INCA1: variants seen among roughly 807,000 people sequenced by gnomAD.
The protein encoded by INCA1 is inhibitor of CDK, cyclin A1 interacting protein 1, also known as protein INCA1.
INCA1 carries 28 observed loss-of-function variants against 25.7 expected under a neutral mutation model. That is an observed-to-expected ratio of 1.09 (90% CI 0.81 to 1.49). The LOEUF is 1.49. Ranked by LOEUF, INCA1 falls within the 40% of genes most tolerant of loss-of-function variation. The pLI is 0.00. For missense variants in INCA1, 309 were observed against 290.9 expected (o/e 1.06, Z -0.45); for synonymous variants, 111 against 103.6 (o/e 1.07, Z -0.43).
intron 2 of INCA1, among the ~76,000 whole-genome samples, chr17:4,993,175 T>C (rs1338203864): frequency 1.3e-5 from 2 of 151,670 alleles, no homozygotes; most frequent in African/African-American, 4.8e-5. Context: ...CCACCACGCC[T>C]GACCTTGTTT....
chr17:4,990,901 A>G (rs1270201773), intron 2 of INCA1, among the ~76,000 whole-genome samples: 1 of 150,576 alleles, frequency 6.6e-6, no homozygotes, highest in East Asian at 2.0e-4. Flanking sequence ...AAATTGCAAA[A>G]AATCTCATAA....
At chr17:4,989,322 C>T (rs1973655751) in intron 5 of INCA1, 106 bp downstream of exon 5, 2 of 1,053,862 alleles carry the variant, frequency 1.9e-6, no homozygotes, top group Admixed American at 2.3e-5. Context: ...CCCCTCAAAG[C>T]TCCCCTCAAA....
chr17:4,989,833 A>G, intron 4 of INCA1, 57 bp downstream of exon 4: 1 of 1,613,250 alleles, frequency 6.2e-7, no homozygotes, highest in East Asian at 2.2e-5. Context: ...TTGGGACAGG[A>G]CAGCAGTGGG....
At position 4,990,235 on chromosome 17, in the gene INCA1, G is replaced by C. The variant is rs201894690; in HGVS notation, c.75C>G (p.Pro25=). The C allele has an allele frequency of 1.8e-5, 29 of 1,614,088 alleles. No individual in the cohort carries two copies. In the East Asian group the frequency reaches 6.2e-4, roughly 35 times the overall value. ...TGAGGCTCTGGGAAGGCAACCTTGG[G>C]GGTGGAGATCGGCTGACCACCCTGG... Residue 25 remains proline (P), a synonymous_variant, in exon 3 of 7, where the codon CCC becomes CCG. Transcript: ENST00000576820.
At chr17:4,988,909 G>A in exon 6 of INCA1, 4 of 1,614,170 alleles carry the variant, frequency 2.5e-6, no homozygotes, top group Non-Finnish European at 3.4e-6. Flanking sequence ...TGGCTCAGAT[G>A]CAGCCCCAGA....
At chr17:4,988,752 C>A in intron 6 of INCA1, 27 bp downstream of exon 6, 1 of 1,613,568 alleles carries the variant, frequency 6.2e-7, no homozygotes, top group Non-Finnish European at 8.5e-7. Context: ...CACTCCCTCA[C>A]TCCACCCAGT....
chr17:4,992,884 G>GT (rs1047661009), intron 2 of INCA1, among the ~76,000 whole-genome samples: 1 of 151,324 alleles, frequency 6.6e-6, no homozygotes, highest in African/African-American at 2.4e-5. Flanking sequence ...ATAGTGTTTT[G>GT]TTTTTGTTTT....
At chr17:4,989,456 G>A (rs370359538) in exon 5 of INCA1, 104 of 1,613,902 alleles carry the variant, frequency 6.4e-5, no homozygotes, top group Non-Finnish European at 8.3e-5. Flanking sequence ...CGCCTTCTTA[G>A]GTCCTCCAGG....
intron 5 of INCA1, 43 bp from the exon 6 acceptor site, chr17:4,988,987 G>C: frequency 6.4e-7 from 1 of 1,573,990 alleles, no homozygotes; most frequent in Non-Finnish European, 8.6e-7. Context: ...CTGGAGGCCA[G>C]GCTTCCTGTC....
At chr17:4,993,992 G>A (rs538609536) in intron 2 of INCA1, among the ~76,000 whole-genome samples, 14 of 146,934 alleles carry the variant, frequency 9.5e-5, no homozygotes, top group African/African-American at 2.8e-4. Flanking sequence ...GGCTGGTCTC[G>A]AACTCCTGAT....
intron 2 of INCA1, among the ~76,000 whole-genome samples, chr17:4,991,955 T>C (rs1208030309): frequency 6.6e-6 from 1 of 152,170 alleles, no homozygotes; most frequent in East Asian, 1.9e-4. Flanking sequence ...TGCAATGGTC[T>C]CTTCCCCCCG....
intron 2 of INCA1, 40 bp from the exon 3 acceptor site, chr17:4,990,305 C>T: frequency 6.3e-7 from 1 of 1,581,568 alleles, no homozygotes; most frequent in South Asian, 1.2e-5. Context: ...TGGCTCTTCC[C>T]TTACAGCAGT....
intron 2 of INCA1, among the ~76,000 whole-genome samples, chr17:4,992,716 T>A (rs759297286): frequency 7.2e-6 from 1 of 138,106 alleles, no homozygotes; most frequent in Non-Finnish European, 1.6e-5. Context: ...CTCCCTCCCT[T>A]CTTTCTTTTT....
intron 1 of INCA1, among the ~76,000 whole-genome samples, chr17:4,995,005 A>C (rs1472664189): frequency 6.6e-6 from 1 of 152,128 alleles, no homozygotes; most frequent in Non-Finnish European, 1.5e-5. Flanking sequence ...TGGGAGTTCG[A>C]GACCAGTCTG....
chr17:4,989,022 T>C, intron 5 of INCA1, 78 bp from the exon 6 acceptor site: 3 of 1,433,728 alleles, frequency 2.1e-6, no homozygotes, highest in Non-Finnish European at 2.8e-6. Context: ...CTTTCTGTTC[T>C]GAAATACTTC....
exon 7 of INCA1, chr17:4,988,397 G>T (rs747947874): frequency 6.3e-7 from 1 of 1,587,094 alleles, no homozygotes; most frequent in African/African-American, 1.4e-5. Context: ...GGCATCGGTG[G>T]TTTCTCCTTA....
chr17:4,990,236 G>A, exon 3 of INCA1: 1 of 1,614,054 alleles, frequency 6.2e-7, no homozygotes. Context: ...CAACCTTGGG[G>A]GTGGAGATCG....
chr17:4,988,149 A>G, downstream of INCA1: 1 of 373,646 alleles, frequency 2.7e-6, no homozygotes, highest in Non-Finnish European at 4.8e-6. Context: ...TTGCTTTTTA[A>G]TAACAGAGCA....
At position 4,991,290 on chromosome 17, in the gene INCA1, G is replaced by A. The variant is rs145729134; in HGVS notation, c.45-1025C>T. On this transcript the variant is annotated intron_variant, in intron 2 of 6. Coordinates refer to ENST00000576820, the Ensembl canonical transcript of INCA1. ...CAAAGCCATCCTAGGCCGCAGGTTG[G>A]ACAAGCTTGCTTTATACCTCATAGT... is the stretch of plus-strand genomic sequence containing the variant. 2.3e-4 allele frequency among the ~76,000 whole-genome samples: 35 copies of A among 152,238 alleles called. No homozygotes were observed. The East Asian group carries it at 6.4e-3, about 28-fold the overall frequency.
Sources: allele counts gnomAD v4.1 joint callset (sites outside exome capture counted in the v4.1 genomes callset), GRCh38; gene constraint gnomAD v4.1.1; transcripts MANE v1.5; gene names NCBI Gene and HGNC (gene_info 2026-07-23, HGNC 2026-07-21).